SPEF2: variants seen among roughly 807,000 people sequenced by gnomAD.
SPEF2 encodes the protein sperm flagella and cilia-associated protein 2.
In SPEF2, 187 loss-of-function variants were observed where a neutral mutation model predicts 224.6. The ratio of observed to expected loss-of-function variants is 0.83; its 90% confidence interval spans 0.74 to 0.94. The LOEUF is 0.94. Ranked by LOEUF, SPEF2 falls within the 40% of genes least tolerant of loss-of-function variation. The pLI is 0.00. For synonymous variants in SPEF2, 715 were observed against 707.3 expected, an observed-to-expected ratio of 1.01 and a Z score of -0.17; for missense variants, 2,170 against 2,135.6, an observed-to-expected ratio of 1.02 and a Z score of -0.32.
chr5:35,734,113 A>G (rs945566380), intron 21 of SPEF2, among the ~76,000 whole-genome samples: 1 of 152,212 alleles, frequency 6.6e-6, no homozygotes, highest in African/African-American at 2.4e-5. Context: ...ACAAGAACTA[A>G]TAAAGGCTTG....
chr5:35,702,134 C>T (rs1408906800), intron 16 of SPEF2: 5 of 455,232 alleles, frequency 1.1e-5, no homozygotes, highest in Non-Finnish European at 1.8e-5. Flanking sequence ...GCAAATGTGT[C>T]ATCCAATCCC....
At chr5:35,785,036 T>C (rs1434152168) in intron 30 of SPEF2, among the ~76,000 whole-genome samples, 1 of 152,330 alleles carries the variant, frequency 6.6e-6, no homozygotes, top group Non-Finnish European at 1.5e-5. Flanking sequence ...TATTTGCAGG[T>C]AAGTATTTTG....
At chr5:35,643,070 T>C (rs1746823689) in intron 3 of SPEF2, among the ~76,000 whole-genome samples, 1 of 152,140 alleles carries the variant, frequency 6.6e-6, no homozygotes, top group African/African-American at 2.4e-5. Flanking sequence ...TTTTGTAGCT[T>C]CAAGAAAAAG....
intron 21 of SPEF2, among the ~76,000 whole-genome samples, chr5:35,733,568 T>C (rs1463480897): frequency 6.6e-6 from 1 of 152,200 alleles, no homozygotes; most frequent in Non-Finnish European, 1.5e-5. Context: ...TCTGAGAGAT[T>C]GTCTCAGTGC....
chr5:35,749,525 G>A (rs894194584), intron 23 of SPEF2, among the ~76,000 whole-genome samples: 1 of 152,000 alleles, frequency 6.6e-6, no homozygotes, highest in Admixed American at 6.6e-5. Context: ...CAAGATTAAT[G>A]TACACAAATC....
chr5:35,633,089 T>G (rs1745354692), intron 2 of SPEF2: 1 of 152,178 alleles, frequency 6.6e-6, no homozygotes, highest in African/African-American at 2.4e-5. Flanking sequence ...CATATGCACT[T>G]GAAGAGAATG....
chr5:35,750,768 A>G (rs1293354216), intron 23 of SPEF2, among the ~76,000 whole-genome samples: 1 of 151,838 alleles, frequency 6.6e-6, no homozygotes, highest in Non-Finnish European at 1.5e-5. Flanking sequence ...TAGTACAGAC[A>G]CTATGGAAAA....
At chr5:35,622,317 A>G (rs1326805876) in intron 1 of SPEF2, among the ~76,000 whole-genome samples, 1 of 152,164 alleles carries the variant, frequency 6.6e-6, no homozygotes, top group East Asian at 1.9e-4. Flanking sequence ...TTTTGTCCTA[A>G]TATTTTCAGA....
rs960299579 is a variant in SPEF2 at position 35,728,504 on chromosome 5, C to T, written c.3063+681C>T. On this transcript the variant is annotated intron_variant, in intron 21 of 36. Coordinates refer to ENST00000356031, the MANE Select transcript of SPEF2 (RefSeq NM_024867.4). ...GGTCTCCTTCTCCCTCATTCCAGTC[C>T]GCAATGATCTCTTATTCTGATGAAC... 5.3e-5 allele frequency among the ~76,000 whole-genome samples: 8 copies of T among 152,228 alleles called. 1 individual carries two copies. The highest frequency in any genetic ancestry group is 1.9e-4 in the East Asian group (1 of 5,172).
intron 31 of SPEF2, 45 bp downstream of exon 31, chr5:35,792,491 A>G: frequency 6.8e-7 from 1 of 1,477,868 alleles, no homozygotes; most frequent in East Asian, 2.3e-5. Flanking sequence ...AAGCATTCTT[A>G]TTTGATCAAT....
intron 29 of SPEF2, among the ~76,000 whole-genome samples, chr5:35,778,253 T>G (rs1252262567): frequency 6.6e-6 from 1 of 152,234 alleles, no homozygotes; most frequent in African/African-American, 2.4e-5. Context: ...CACTTATTCA[T>G]GTATAAAACT....
chr5:35,721,631 G>T (rs1561260362), intron 20 of SPEF2, among the ~76,000 whole-genome samples: 1 of 152,174 alleles, frequency 6.6e-6, no homozygotes, highest in Non-Finnish European at 1.5e-5. Flanking sequence ...GAAGTGAAAG[G>T]TACCACAGCT....
intron 2 of SPEF2, among the ~76,000 whole-genome samples, chr5:35,639,325 A>G (rs1356785110): frequency 1.3e-5 from 2 of 152,004 alleles, no homozygotes; most frequent in South Asian, 2.1e-4. Flanking sequence ...GGAACAGCCC[A>G]TTTTTTCCCC....
At chr5:35,709,204 A>G (rs890675899) in intron 19 of SPEF2, 83 bp downstream of exon 19, 7 of 1,564,270 alleles carry the variant, frequency 4.5e-6, no homozygotes, top group Non-Finnish European at 6.0e-6. Context: ...GTCTATCTAC[A>G]TTCAGACTTT....
At chr5:35,753,836 T>C (rs1750049612) in intron 24 of SPEF2, 75 bp downstream of exon 24, 1 of 1,573,900 alleles carries the variant, frequency 6.4e-7, no homozygotes, top group South Asian at 1.1e-5. Context: ...TATGACACTT[T>C]CTTGGGAATA....
intron 16 of SPEF2, among the ~76,000 whole-genome samples, chr5:35,703,665 A>G (rs1739161955): frequency 6.6e-6 from 1 of 152,138 alleles, no homozygotes; most frequent in Admixed American, 6.6e-5. Context: ...GCAGCGAGGT[A>G]GCGACCATGA....
intron 2 of SPEF2, among the ~76,000 whole-genome samples, chr5:35,630,675 A>G (rs1322146309): frequency 6.6e-6 from 1 of 152,070 alleles, no homozygotes; most frequent in Non-Finnish European, 1.5e-5. Flanking sequence ...CAGCCTGGGC[A>G]GCAGAGCGAG....
At chr5:35,769,621 A>T (rs901060525) in intron 26 of SPEF2, among the ~76,000 whole-genome samples, 2 of 152,108 alleles carry the variant, frequency 1.3e-5, no homozygotes, top group Non-Finnish European at 2.9e-5. Flanking sequence ...GAAGAATACA[A>T]AGAAGTAGGA....
At chr5:35,623,544 C>T (rs1743811144) in intron 1 of SPEF2, among the ~76,000 whole-genome samples, 1 of 152,132 alleles carries the variant, frequency 6.6e-6, no homozygotes, top group Non-Finnish European at 1.5e-5. Flanking sequence ...CCAGAAATGC[C>T]ATAAGGCTGT....
Sources: gnomAD v4.1 joint callset for allele counts (sites outside exome capture counted in the v4.1 genomes callset) on GRCh38, gnomAD v4.1.1 for gene constraint, MANE v1.5 for transcripts, NCBI Gene and HGNC (gene_info 2026-07-23, HGNC 2026-07-21) for gene names.